NAALADL2: variants seen among roughly 807,000 people sequenced by gnomAD.
NAALADL2 encodes the protein inactive N-acetylated-alpha-linked acidic dipeptidase-like protein 2.
A neutral mutation model predicts 87.2 loss-of-function variants in NAALADL2; 76 were observed. The ratio of observed to expected loss-of-function variants is 0.87; its 90% confidence interval spans 0.72 to 1.05. The LOEUF (loss-of-function observed/expected upper bound fraction) is 1.05. Among genes scored for constraint, NAALADL2 ranks in the 50% least tolerant of loss-of-function variants. The pLI, the probability that NAALADL2 is intolerant of heterozygous loss-of-function variation, is 0.00. For missense variants in NAALADL2, 1,089 were observed against 945.8 expected, an observed-to-expected ratio of 1.15 and a Z score of -1.99; for synonymous variants, 354 against 331.0, an observed-to-expected ratio of 1.07 and a Z score of -0.75.
At chr3:175,132,210 C>T (rs1176190613) in intron 2 of NAALADL2, among the ~76,000 whole-genome samples, 2 of 74,578 alleles carry the variant, frequency 2.7e-5, no homozygotes, top group Non-Finnish European at 4.9e-5. Context: ...GTAGGGGCGG[C>T]CGGGCAGAGG....
intron 9 of NAALADL2, among the ~76,000 whole-genome samples, chr3:175,473,732 T>G (rs1045231501): frequency 6.6e-6 from 1 of 152,036 alleles, no homozygotes; most frequent in Non-Finnish European, 1.5e-5. Flanking sequence ...ATGATTTAAT[T>G]AAAACAATTC....
intron 5 of NAALADL2, among the ~76,000 whole-genome samples, chr3:175,404,896 C>T (rs1051129318): frequency 6.6e-6 from 1 of 152,126 alleles, no homozygotes; most frequent in Non-Finnish European, 1.5e-5. Flanking sequence ...TAATCACTTG[C>T]AGTTGTATTT....
In NAALADL2 at chr3:174,961,067, T is replaced by A. The variant is rs1027357048; in HGVS notation, c.43+101617T>A. Reference sequence around the variant, plus strand: ...ATATATATATATATTAAATATATCATATGTATTATATCATTAAATAATATT... The same window carrying A: ...ATATATATATATATTAAATATATCAAATGTATTATATCATTAAATAATATT... On this transcript the variant is annotated intron_variant, in intron 1 of 13. Coordinates refer to ENST00000454872, the MANE Select transcript of NAALADL2 (RefSeq NM_207015.3). Among the ~76,000 whole-genome samples the A allele has an allele frequency of 4.7e-5, 7 of 148,004 alleles. No individual in the cohort carries two copies. The Admixed American group carries it at 4.8e-4, about 10-fold the overall frequency.
intron 4 of NAALADL2, among the ~76,000 whole-genome samples, chr3:175,314,336 A>T (rs904169897): frequency 4.6e-5 from 7 of 151,462 alleles, no homozygotes; most frequent in African/African-American, 1.7e-4. Context: ...TATTTATAAA[A>T]ATATGTCAGC....
intron 6 of NAALADL2, among the ~76,000 whole-genome samples, chr3:175,455,471 C>T (rs1722190680): frequency 6.6e-6 from 1 of 151,886 alleles, no homozygotes; most frequent in Non-Finnish European, 1.5e-5. Context: ...CTGAGGGATA[C>T]AAAGAGAGTA....
intron 3 of NAALADL2, among the ~76,000 whole-genome samples, chr3:174,842,581 T>A (rs541483651): frequency 5.5e-4 from 84 of 152,308 alleles, no homozygotes; most frequent in Non-Finnish European, 1.0e-3. Context: ...ACACTCTAAT[T>A]ACAAGATTGT....
intron 3 of NAALADL2, among the ~76,000 whole-genome samples, chr3:174,822,390 TC>T (rs1362946851): frequency 2.6e-5 from 4 of 152,138 alleles, no homozygotes; most frequent in African/African-American, 9.7e-5. Context: ...TTATGGGAAA[TC>T]ATATAAAAAT....
chr3:175,074,891 G>C (rs1244135225), intron 1 of NAALADL2, among the ~76,000 whole-genome samples: 1 of 151,804 alleles, frequency 6.6e-6, no homozygotes, highest in African/African-American at 2.4e-5. Flanking sequence ...AAAAGGAGGA[G>C]TAAGGAGATG....
intron 2 of NAALADL2, among the ~76,000 whole-genome samples, chr3:174,685,995 A>C (rs1368792707): frequency 3.3e-5 from 5 of 152,020 alleles, no homozygotes; most frequent in Admixed American, 2.0e-4. Context: ...AAAGGATATG[A>C]TCTTGTTTAT....
intron 11 of NAALADL2, among the ~76,000 whole-genome samples, chr3:175,712,422 C>T (rs1286044474): frequency 6.6e-6 from 1 of 151,944 alleles, no homozygotes; most frequent in Non-Finnish European, 1.5e-5. Context: ...AGCAGGAAAT[C>T]TTGGAATGAG....
intron 11 of NAALADL2, among the ~76,000 whole-genome samples, chr3:175,720,770 CA>C (rs1742129078): frequency 6.6e-6 from 1 of 151,960 alleles, no homozygotes; most frequent in Admixed American, 6.6e-5. Flanking sequence ...GAAATAACTT[CA>C]AAATGTTAAA....
intron 2 of NAALADL2, among the ~76,000 whole-genome samples, chr3:174,667,273 G>A (rs1726042699): frequency 1.3e-5 from 2 of 152,120 alleles, no homozygotes; most frequent in Admixed American, 6.6e-5. Context: ...CAATTAACAA[G>A]AGCGAGGTCT....
At chr3:175,068,679 T>C (rs1451885335) in intron 1 of NAALADL2, among the ~76,000 whole-genome samples, 1 of 152,092 alleles carries the variant, frequency 6.6e-6, no homozygotes, top group Non-Finnish European at 1.5e-5. Flanking sequence ...CAAACTCTGG[T>C]AGTGAAAATG....
At chr3:174,898,551 A>T (rs1466082303) in intron 1 of NAALADL2, among the ~76,000 whole-genome samples, 1 of 152,130 alleles carries the variant, frequency 6.6e-6, no homozygotes, top group African/African-American at 2.4e-5. Flanking sequence ...GGAGATGGAC[A>T]TGCTATTCTC....
chr3:175,023,814 C>CA (rs1388211679), intron 1 of NAALADL2, among the ~76,000 whole-genome samples: 2 of 152,128 alleles, frequency 1.3e-5, no homozygotes, highest in East Asian at 3.9e-4. Flanking sequence ...GAACATAACT[C>CA]AGATTTTTGA....
At chr3:175,237,463 A>ATAC (rs1034197297) in intron 3 of NAALADL2, among the ~76,000 whole-genome samples, 6 of 152,136 alleles carry the variant, frequency 3.9e-5, no homozygotes, top group African/African-American at 1.4e-4. Context: ...AATTCGCAGG[A>ATAC]TACCGATGGT....
intron 1 of NAALADL2, among the ~76,000 whole-genome samples, chr3:174,985,234 G>A (rs909380081): frequency 1.3e-5 from 2 of 152,294 alleles, no homozygotes; most frequent in South Asian, 4.1e-4. Flanking sequence ...GATCAGATCT[G>A]AGTATAATAG....
chr3:174,661,195 C>T (rs1313243023), intron 2 of NAALADL2, among the ~76,000 whole-genome samples: 1 of 152,124 alleles, frequency 6.6e-6, no homozygotes, highest in Admixed American at 6.6e-5. Context: ...GACTGAAAGT[C>T]TTTAATGTCA....
At chr3:175,536,830 A>C (rs533440994) in intron 9 of NAALADL2, among the ~76,000 whole-genome samples, 2 of 152,264 alleles carry the variant, frequency 1.3e-5, no homozygotes, top group East Asian at 3.9e-4. Context: ...AAATACAAAA[A>C]AATTAGCCGG....
Sources: allele counts gnomAD v4.1 joint callset (sites outside exome capture counted in the v4.1 genomes callset), GRCh38; gene constraint gnomAD v4.1.1; transcripts MANE v1.5; gene names NCBI Gene and HGNC (gene_info 2026-07-23, HGNC 2026-07-21).